Variants in SPOCK3 observed in about 807,000 individuals in gnomAD.
The protein encoded by SPOCK3 is SPARC (osteonectin), cwcv and kazal like domains proteoglycan 3.
Under a neutral mutation model 56.6 loss-of-function variants are expected in SPOCK3, and 30 were observed. That is an observed-to-expected ratio of 0.53 (90% CI 0.40 to 0.72). The LOEUF (loss-of-function observed/expected upper bound fraction) is 0.72, where lower values mean the gene tolerates loss of function less well. Among genes scored for constraint, SPOCK3 ranks in the 30% least tolerant of loss-of-function variants. The pLI, the probability that SPOCK3 is intolerant of heterozygous loss-of-function variation, is 0.00. For synonymous variants in SPOCK3, 196 were observed against 183.3 expected (o/e 1.07, Z -0.56); for missense variants, 527 against 530.0 (o/e 0.99, Z 0.06).
chr4:167,112,537 T>G (rs1388849181), intron 2 of SPOCK3, among the ~76,000 whole-genome samples: 1 of 152,046 alleles, frequency 6.6e-6, no homozygotes, highest in African/African-American at 2.4e-5. Context: ...GAGGGGGCTG[T>G]CATGTCTCCA....
chr4:167,087,376 C>A (rs889935772), intron 2 of SPOCK3, among the ~76,000 whole-genome samples: 11 of 152,106 alleles, frequency 7.2e-5, no homozygotes, highest in Non-Finnish European at 1.6e-4. Flanking sequence ...AAACATGTGT[C>A]ATCACTACTC....
intron 2 of SPOCK3, among the ~76,000 whole-genome samples, chr4:167,175,669 A>G (rs1055658084): frequency 2.0e-5 from 3 of 152,134 alleles, no homozygotes; most frequent in Admixed American, 2.0e-4. Context: ...GGCTTGGGAA[A>G]GACAGGCATC....
intron 8 of SPOCK3, among the ~76,000 whole-genome samples, chr4:166,745,995 T>G (rs907304306): frequency 6.6e-6 from 1 of 152,126 alleles, no homozygotes; most frequent in Non-Finnish European, 1.5e-5. Context: ...AGCAAGTCCT[T>G]AGAGACCTAC....
At chr4:167,155,766 C>T (rs754050929) in intron 2 of SPOCK3, among the ~76,000 whole-genome samples, 7 of 151,934 alleles carry the variant, frequency 4.6e-5, no homozygotes, top group Non-Finnish European at 1.0e-4. Context: ...TATTTGAAGA[C>T]ATAATGCAGC....
At chr4:166,811,769 C>T (rs1743832195) in intron 6 of SPOCK3, among the ~76,000 whole-genome samples, 1 of 151,688 alleles carries the variant, frequency 6.6e-6, no homozygotes. Context: ...GATAAAATTA[C>T]CTCATTTAAT....
In SPOCK3 at chr4:167,222,980, ATAT is replaced by A. The variant is rs571875289; in HGVS notation, c.189+11002_189+11004del. On this transcript the variant is annotated intron_variant, in intron 2 of 10. Transcript: ENST00000357545. ...TATTATACATATTTTATATGAATAT[ATAT>A]TATATTTTATATATGAATATATATT... is the stretch of plus-strand genomic sequence containing the variant. 6.4e-4 allele frequency among the ~76,000 whole-genome samples: 81 copies of A among 126,728 alleles called. 2 individuals carry two copies. The highest frequency in any genetic ancestry group is 1.9e-3 in the African/African-American group (62 of 32,092). 83.1% of individuals were successfully genotyped at this position (126,728 alleles called of 152,430 possible).
Position 167,108,955 on chromosome 4 carries a change from T to TTA in SPOCK3, c.190-46420_190-46419dup, listed in dbSNP as rs200763384. ...ATATTTTATATTTATATTATAAATATTATATATATAAATATATAAATATTA... is the reference window on the plus strand; with the variant it reads ...ATATTTTATATTTATATTATAAATATTATATATATATAAATATATAAATATTA... On this transcript the variant is annotated intron_variant, in intron 2 of 10. Coordinates refer to ENST00000357545, the MANE Select transcript of SPOCK3 (RefSeq NM_001040159.2). Among the ~76,000 whole-genome samples the TTA allele has an allele frequency of 9.9e-3, 668 of 67,522 alleles. 44 individuals carry two copies. Among genetic ancestry groups the TTA allele is most frequent in the African/African-American group, 0.012 (181 of 15,556 alleles). The allele number at this position is 67,522 out of a possible 152,430, so 44.3% of individuals were successfully genotyped here.
chr4:167,012,024 T>C (rs1000610129), intron 3 of SPOCK3, among the ~76,000 whole-genome samples: 9 of 151,986 alleles, frequency 5.9e-5, no homozygotes, highest in African/African-American at 9.6e-5. Context: ...TCACATTTAA[T>C]TGAGTGACAT....
intron 2 of SPOCK3, among the ~76,000 whole-genome samples, chr4:167,151,160 G>C (rs1258490595): frequency 1.3e-5 from 2 of 152,188 alleles, no homozygotes; most frequent in African/African-American, 4.8e-5. Context: ...AGCTAAATTA[G>C]AGTCTCTGGG....
chr4:166,884,832 C>G (rs1221181976), intron 6 of SPOCK3, among the ~76,000 whole-genome samples: 5 of 150,950 alleles, frequency 3.3e-5, no homozygotes, highest in Admixed American at 2.6e-4. Context: ...CACAGGATAA[C>G]AATGCACAAA....
At chr4:166,736,352 T>C (rs973320284) in intron 10 of SPOCK3, among the ~76,000 whole-genome samples, 8 of 152,154 alleles carry the variant, frequency 5.3e-5, no homozygotes, top group Admixed American at 1.3e-4. Flanking sequence ...TAATTTATAA[T>C]GCAACTACTT....
At chr4:166,848,236 A>G (rs959951568) in intron 6 of SPOCK3, among the ~76,000 whole-genome samples, 6 of 152,218 alleles carry the variant, frequency 3.9e-5, no homozygotes, top group South Asian at 2.1e-4. Flanking sequence ...GCTTTGATCA[A>G]TTAACTCTTC....
intron 6 of SPOCK3, among the ~76,000 whole-genome samples, chr4:166,854,645 A>G (rs1261861415): frequency 6.6e-6 from 1 of 152,190 alleles, no homozygotes; most frequent in African/African-American, 2.4e-5. Context: ...TCAAAATTAT[A>G]CTGTTGACTC....
intron 3 of SPOCK3, among the ~76,000 whole-genome samples, chr4:167,013,677 A>G (rs1387324715): frequency 1.3e-5 from 2 of 151,990 alleles, no homozygotes; most frequent in Admixed American, 6.6e-5. Context: ...AGAACTGAAT[A>G]TATCTATGAT....
At chr4:166,926,677 ACCT>A (rs1739144429) in intron 4 of SPOCK3, among the ~76,000 whole-genome samples, 2 of 151,792 alleles carry the variant, frequency 1.3e-5, no homozygotes, top group Non-Finnish European at 2.9e-5. Flanking sequence ...ATGACACCTG[ACCT>A]CCTTTTCCTC....
chr4:167,174,311 G>A (rs950415120), intron 2 of SPOCK3, among the ~76,000 whole-genome samples: 20 of 151,398 alleles, frequency 1.3e-4, no homozygotes, highest in African/African-American at 4.6e-4. Context: ...AAATATATAC[G>A]ATTTAAAAAT....
intron 6 of SPOCK3, among the ~76,000 whole-genome samples, chr4:166,807,786 TTATA>T (rs1376715700): frequency 6.6e-6 from 1 of 152,130 alleles, no homozygotes; most frequent in African/African-American, 2.4e-5. Flanking sequence ...CCTTCCTAGA[TTATA>T]TATACTTTCC....
Position 166,954,092 on chromosome 4 carries a change from A to G in SPOCK3, c.351-41349T>C, listed in dbSNP as rs543214842. Among the ~76,000 whole-genome samples, 20 of 152,310 alleles carry G rather than the reference A, an allele frequency of 1.3e-4. No individual in the cohort carries two copies. In the East Asian group the frequency reaches 1.5e-3, roughly 12 times the overall value. On this transcript the variant is annotated intron_variant, in intron 4 of 10. Coordinates refer to ENST00000357545, the MANE Select transcript of SPOCK3 (RefSeq NM_001040159.2). Reference sequence around the variant, plus strand: ...TAAAACTTAAAGTATAATAAAAAAAAAGAAATATCTATTCAAGTATATTGC... The same window carrying G: ...TAAAACTTAAAGTATAATAAAAAAAGAGAAATATCTATTCAAGTATATTGC...
intron 5 of SPOCK3, among the ~76,000 whole-genome samples, chr4:166,899,373 T>C (rs1458928610): frequency 6.6e-6 from 1 of 151,982 alleles, no homozygotes; most frequent in Admixed American, 6.6e-5. Flanking sequence ...CCTATGCAGA[T>C]GATACCCTGT....
Sources: allele counts gnomAD v4.1 joint callset (sites outside exome capture counted in the v4.1 genomes callset), GRCh38; gene constraint gnomAD v4.1.1; transcripts MANE v1.5; gene names NCBI Gene and HGNC (gene_info 2026-07-23, HGNC 2026-07-21).